SPICE1: variants seen among roughly 807,000 people sequenced by gnomAD.
SPICE1 encodes spindle and centriole associated protein 1, also known as spindle and centriole-associated protein 1.
A neutral mutation model predicts 102.7 loss-of-function variants in SPICE1; 75 were observed. The ratio of observed to expected loss-of-function variants is 0.73; its 90% confidence interval spans 0.61 to 0.88. The LOEUF is 0.88. Ranked by LOEUF, SPICE1 falls within the 40% of genes least tolerant of loss-of-function variation. The pLI is 0.00. For missense variants in SPICE1, 979 were observed against 1,020.1 expected, an observed-to-expected ratio of 0.96 and a Z score of 0.55; for synonymous variants, 308 against 350.3, an observed-to-expected ratio of 0.88 and a Z score of 1.35.
intron 11 of SPICE1, among the ~76,000 whole-genome samples, 155 bp downstream of exon 11, chr3:113,465,498 A>G (rs1936033239): frequency 6.6e-6 from 1 of 152,260 alleles, no homozygotes. Flanking sequence ...TCCATGTAAT[A>G]AATGTTCAAT....
intron 1 of SPICE1, among the ~76,000 whole-genome samples, chr3:113,507,320 A>G (rs6783691): frequency 0.043 from 6,569 of 152,240 alleles, 169 homozygotes; most frequent in East Asian, 0.081. Flanking sequence ...GTCCCCGAAC[A>G]CCAGGATTTT....
At chr3:113,509,927 T>C (rs1196691255) in intron 1 of SPICE1, among the ~76,000 whole-genome samples, 1 of 152,228 alleles carries the variant, frequency 6.6e-6, no homozygotes, top group Non-Finnish European at 1.5e-5. Context: ...GTGAAAAAGG[T>C]ACCTGCTTCT....
chr3:113,511,684 G>A (rs1937223571), intron 1 of SPICE1, among the ~76,000 whole-genome samples: 1 of 152,086 alleles, frequency 6.6e-6, no homozygotes, highest in African/African-American at 2.4e-5. Context: ...CCTAGGTGAT[G>A]GGTTGATAGA....
intron 10 of SPICE1, 27 bp from the exon 11 acceptor site, chr3:113,465,811 C>G: frequency 6.2e-7 from 1 of 1,601,240 alleles, no homozygotes; most frequent in South Asian, 1.1e-5. Context: ...AATAAACTTC[C>G]ACCAATAGCA....
intron 12 of SPICE1, chr3:113,460,099 A>T (rs914669879): frequency 2.1e-4 from 206 of 985,328 alleles, no homozygotes; most frequent in South Asian, 3.3e-4. Flanking sequence ...TGTCCAATTC[A>T]GCCTATAGCA....
intron 7 of SPICE1, among the ~76,000 whole-genome samples, chr3:113,475,822 A>T (rs1285578182): frequency 6.6e-6 from 1 of 152,240 alleles, no homozygotes; most frequent in East Asian, 1.9e-4. Context: ...ACCCACAGCC[A>T]ATATCATATT....
At chr3:113,496,509 G>C (rs1311946862) in intron 4 of SPICE1, among the ~76,000 whole-genome samples, 1 of 152,156 alleles carries the variant, frequency 6.6e-6, no homozygotes, top group Non-Finnish European at 1.5e-5. Flanking sequence ...ATTACAAAGA[G>C]GCTTTAGGAG....
chr3:113,467,131 T>A (rs921893992), intron 10 of SPICE1, among the ~76,000 whole-genome samples: 1 of 152,226 alleles, frequency 6.6e-6, no homozygotes, highest in Non-Finnish European at 1.5e-5. Flanking sequence ...ATCTATCTTA[T>A]TAAATAATAA....
chr3:113,452,491 C>G (rs1935677952), intron 14 of SPICE1, among the ~76,000 whole-genome samples: 1 of 151,164 alleles, frequency 6.6e-6, no homozygotes, highest in South Asian at 2.1e-4. Flanking sequence ...CGAGACCAGC[C>G]TGGCCAACAT....
At position 113,480,051 on chromosome 3, in the gene SPICE1, C is replaced by T. The variant is rs7631777; in HGVS notation, c.611+8894G>A. Among the ~76,000 whole-genome samples, 1,253 of 152,106 alleles carry T rather than the reference C, an allele frequency of 8.2e-3. 21 individuals are homozygous for T. Among genetic ancestry groups the T allele is most frequent in the African/African-American group, 0.029 (1,191 of 41,520 alleles). Reference sequence around the variant, plus strand: ...AATGATTGAGGAGAACAAGTAAGCACTGAAACAAAATTTTTTAAGAAGTAT... The same window carrying T: ...AATGATTGAGGAGAACAAGTAAGCATTGAAACAAAATTTTTTAAGAAGTAT... On this transcript the variant is annotated intron_variant, in intron 7 of 17. Transcript: ENST00000295872.
rs567888752 is a variant in SPICE1 at position 113,514,948 on chromosome 3, C to A, written c.-52G>T. 195 of 974,338 alleles carry A rather than the reference C, an allele frequency of 2.0e-4. 1 individual carries two copies. The highest frequency in any genetic ancestry group is 8.4e-4 in the Admixed American group (21 of 25,062). 60.4% of individuals were successfully genotyped at this position (974,338 alleles called of 1,614,324 possible). A position where few individuals can be genotyped will look rare whatever the true frequency, so the allele number is the denominator to read the frequency against. On this transcript the variant is annotated 5_prime_UTR_variant, in exon 1 of 18. Coordinates refer to ENST00000295872, the MANE Select transcript of SPICE1 (RefSeq NM_144718.4). The stretch of plus-strand genomic sequence containing the variant: ...GCTGCGCTTCCTGAAGTAAGGATTC[C>A]CCAACCGGGCGCCTGGATCCCAGGC...
In SPICE1 at chr3:113,450,465, C is replaced by A. The variant is rs1412252102; in HGVS notation, c.2194G>T (p.Ala732Ser). 3.1e-6 allele frequency: 5 copies of A among 1,613,198 alleles called. No homozygotes were observed. Among genetic ancestry groups the A allele is most frequent in the Non-Finnish European group, 4.2e-6 (5 of 1,179,918 alleles). Residue 732 changes from alanine (A) to serine (S), a missense_variant, in exon 15 of 18, where the codon GCA becomes TCA. Physicochemically the swap from Ala to Ser is moderately conservative, Grantham distance 99. Transcript: ENST00000295872. ...TCCATACTTTGTCGATTCAATTCTG[C>A]AATCCGTTCCTCCATACTACCTGGT... ...LTPGSMEERI[A>S]ELNRQSMEAR...
intron 7 of SPICE1, among the ~76,000 whole-genome samples, chr3:113,473,302 A>G (rs7632178): frequency 0.017 from 2,517 of 152,298 alleles, 53 homozygotes; most frequent in African/African-American, 0.049. Flanking sequence ...GACCAAATCT[A>G]CGTCTGATTG....
intron 7 of SPICE1, among the ~76,000 whole-genome samples, chr3:113,476,600 G>A (rs1936354324): frequency 6.9e-6 from 1 of 145,794 alleles, no homozygotes; most frequent in African/African-American, 2.6e-5. Flanking sequence ...TAGATCAATG[G>A]AACAGAACAG....
Position 113,489,135 on chromosome 3 carries a change from G to A in SPICE1, c.493-72C>T, listed in dbSNP as rs1469687126. 4 of 936,302 alleles carry A rather than the reference G, an allele frequency of 4.3e-6. No homozygotes were observed. In the East Asian group the frequency reaches 1.0e-4, roughly 24 times the overall value. The allele number at this position is 936,302 out of a possible 1,614,324, so 58.0% of individuals were successfully genotyped here. A position where few individuals can be genotyped will look rare whatever the true frequency, so the allele number is the denominator to read the frequency against. On this transcript the variant is annotated intron_variant, in intron 6 of 17. Transcript: ENST00000295872. ...ACTCAGACTTTCTTTTTTTTTTTCT[G>A]TCATAACAGAAGAGAGTTCCCTCCT...
chr3:113,457,067 T>C (rs1935793369), intron 13 of SPICE1, 69 bp downstream of exon 13: 2 of 1,448,856 alleles, frequency 1.4e-6, no homozygotes, highest in Non-Finnish European at 1.9e-6. Flanking sequence ...CATGTAATGG[T>C]GAAAGTAATA....
At chr3:113,468,062 G>T in intron 10 of SPICE1, 77 bp downstream of exon 10, 3 of 1,527,712 alleles carry the variant, frequency 2.0e-6, no homozygotes, top group Non-Finnish European at 2.6e-6. Flanking sequence ...TTATTTGGAG[G>T]TTGCAATAAA....
intron 14 of SPICE1, among the ~76,000 whole-genome samples, chr3:113,452,837 G>A (rs548869821): frequency 5.9e-5 from 9 of 152,192 alleles, no homozygotes; most frequent in African/African-American, 2.2e-4. Context: ...AATTAGCCAG[G>A]TGTGGTGGTG....
At position 113,514,667 on chromosome 3, in the gene SPICE1, C is replaced by A. The variant is rs763489893; in HGVS notation, c.-1+230G>T. On this transcript the variant is annotated intron_variant, in intron 1 of 17. Transcript: ENST00000295872. ...ACTCCTCAAAACTCACAGGAGGAGC[C>A]TTCTGAGAAGCCCCTCTGACATCCA... 36 of 803,178 alleles carry A rather than the reference C, an allele frequency of 4.5e-5. No homozygotes were observed. The South Asian group carries it at 4.8e-4, about 11-fold the overall frequency. 49.8% of individuals were successfully genotyped at this position (803,178 alleles called of 1,614,324 possible).
Sources: gnomAD v4.1 joint callset for allele counts (sites outside exome capture counted in the v4.1 genomes callset) on GRCh38, gnomAD v4.1.1 for gene constraint, MANE v1.5 for transcripts, NCBI Gene and HGNC (gene_info 2026-07-23, HGNC 2026-07-21) for gene names.